The following AATF variants were observed in gnomAD, a reference collection of about 807,000 sequenced individuals.
The protein encoded by AATF is apoptosis antagonizing transcription factor, also known as protein AATF.
A neutral mutation model predicts 63.7 loss-of-function variants in AATF; 48 were observed. The ratio of observed to expected loss-of-function variants is 0.75; its 90% confidence interval spans 0.60 to 0.96. The LOEUF is 0.96. AATF is among the 40% of genes least tolerant of loss of function. AATF has a pLI of 0.00. For missense variants in AATF, 639 were observed against 685.7 expected, an observed-to-expected ratio of 0.93 and a Z score of 0.76; for synonymous variants, 258 against 247.7, an observed-to-expected ratio of 1.04 and a Z score of -0.39.
chr17:37,001,967 C>G (rs956786225), intron 8 of AATF, among the ~76,000 whole-genome samples: 18 of 152,052 alleles, frequency 1.2e-4, no homozygotes, highest in African/African-American at 4.3e-4. Context: ...ACTGGGAGGC[C>G]AAGTGGGTCA....
chr17:36,988,064 A>G (rs1361653742), intron 5 of AATF, among the ~76,000 whole-genome samples: 1 of 152,250 alleles, frequency 6.6e-6, no homozygotes, highest in Non-Finnish European at 1.5e-5. Flanking sequence ...CTGTAATCCC[A>G]GCACTTTGGG....
At chr17:36,964,903 T>C (rs984119113) in intron 4 of AATF, among the ~76,000 whole-genome samples, 4 of 152,126 alleles carry the variant, frequency 2.6e-5, no homozygotes, top group African/African-American at 9.7e-5. Flanking sequence ...CTTTCATTGC[T>C]CTTCTGGGGA....
chr17:37,035,421 T>C (rs889899610), intron 11 of AATF, among the ~76,000 whole-genome samples: 6 of 151,832 alleles, frequency 4.0e-5, no homozygotes, highest in Non-Finnish European at 1.5e-5. Context: ...TTGGAAAATA[T>C]TAAAAGGATT....
intron 4 of AATF, among the ~76,000 whole-genome samples, chr17:36,959,152 C>T (rs1029387497): frequency 7.0e-6 from 1 of 143,748 alleles, no homozygotes; most frequent in Admixed American, 6.9e-5. Flanking sequence ...TCAAAAAAAA[C>T]AAACATACAG....
chr17:36,998,287 G>A lies in AATF; in HGVS notation c.1398+7430G>A, dbSNP rs572830110. ...CATAATCATTTTAAAGTTGGATAGCGTCTTTGGAGACCATCAAGTCCAAAC... is the reference window on the plus strand; with the variant it reads ...CATAATCATTTTAAAGTTGGATAGCATCTTTGGAGACCATCAAGTCCAAAC... On this transcript the variant is annotated intron_variant, in intron 8 of 11. Coordinates refer to ENST00000619387, the MANE Select transcript of AATF (RefSeq NM_012138.4). Among the ~76,000 whole-genome samples the A allele has an allele frequency of 7.2e-5, 11 of 152,270 alleles. No individual in the cohort carries two copies. The East Asian group carries it at 7.7e-4, about 11-fold the overall frequency.
chr17:36,997,723 G>T (rs1240692302), intron 8 of AATF, among the ~76,000 whole-genome samples: 1 of 152,068 alleles, frequency 6.6e-6, no homozygotes, highest in Non-Finnish European at 1.5e-5. Context: ...CTCACTACTG[G>T]GTATCTACCC....
chr17:36,975,078 G>A (rs1027523926), intron 4 of AATF, among the ~76,000 whole-genome samples: 1 of 152,076 alleles, frequency 6.6e-6, no homozygotes, highest in African/African-American at 2.4e-5. Context: ...AATATGTAAC[G>A]TAGATTGTGA....
Position 36,990,821 on chromosome 17 carries a change from T to C in AATF, c.1362T>C (p.Asp454=). The part of the protein sequence containing the change: ...APANAHLKDL[D]EEIFDDDDFY... ...CTAATGCTCATCTGAAGGACTTGGA[T>C]GAAGAAATCTTTGATGATGATGACT... The change falls in exon 8 of 12, where the codon GAT becomes GAC. Residue 454 remains aspartate (D), a synonymous_variant. Coordinates refer to ENST00000619387, the MANE Select transcript of AATF (RefSeq NM_012138.4). The C allele has an allele frequency of 1.3e-6, 2 of 1,594,766 alleles. No individual in the cohort carries two copies. The highest frequency in any genetic ancestry group is 1.7e-6 in the Non-Finnish European group (2 of 1,173,586).
intron 10 of AATF, among the ~76,000 whole-genome samples, chr17:37,028,105 A>G (rs1486984592): frequency 6.6e-6 from 1 of 152,118 alleles, no homozygotes; most frequent in Admixed American, 6.5e-5. Context: ...CAACTCAGCA[A>G]TTTCACATCT....
At position 36,953,033 on chromosome 17, in the gene AATF, C is replaced by T. The variant is rs2070868304; in HGVS notation, c.431C>T (p.Ala144Val). Reference sequence around the variant, plus strand: ...AGCAAGAAGAGCAGAAGCCACTCTGCAAAAACACCGGGCTTCAGTGTCCAG... The same window carrying T: ...AGCAAGAAGAGCAGAAGCCACTCTGTAAAAACACCGGGCTTCAGTGTCCAG... ...RESKKSRSHS[A>V]KTPGFSVQSI... The change falls in exon 3 of 12, where the codon GCA (alanine) becomes GTA (valine). Residue 144 changes from alanine to valine, a missense_variant. Physicochemically the swap from Ala to Val is moderately conservative, Grantham distance 64. Transcript: ENST00000619387. 6.2e-7 allele frequency: 1 copy of T among 1,614,100 alleles called. No homozygotes were observed.
chr17:36,970,311 G>A (rs142877896), intron 4 of AATF, among the ~76,000 whole-genome samples: 196 of 152,238 alleles, frequency 1.3e-3, no homozygotes, highest in Middle Eastern at 3.4e-3. Context: ...TCTAATAATT[G>A]TATAGGTAGG....
intron 4 of AATF, among the ~76,000 whole-genome samples, chr17:36,972,812 G>A (rs2071049689): frequency 6.6e-6 from 1 of 151,988 alleles, no homozygotes; most frequent in Non-Finnish European, 1.5e-5. Context: ...CTCAGTTTTA[G>A]GTTTACATTT....
chr17:36,993,005 C>T (rs2071227469), intron 8 of AATF, among the ~76,000 whole-genome samples: 1 of 152,206 alleles, frequency 6.6e-6, no homozygotes, highest in South Asian at 2.1e-4. Flanking sequence ...GCTACACCAA[C>T]TGCTGCCATC....
chr17:37,014,791 T>C (rs1001670430), intron 8 of AATF, among the ~76,000 whole-genome samples: 1 of 152,252 alleles, frequency 6.6e-6, no homozygotes, highest in Non-Finnish European at 1.5e-5. Context: ...AATTTTTGTC[T>C]TGTCTTGCAA....
At chr17:36,960,479 C>A (rs1004499975) in intron 4 of AATF, among the ~76,000 whole-genome samples, 2 of 152,104 alleles carry the variant, frequency 1.3e-5, no homozygotes, top group African/African-American at 2.4e-5. Flanking sequence ...GTTCAAAATT[C>A]AAAAATACTA....
At chr17:36,986,577 T>A in intron 4 of AATF, 40 bp from the exon 5 acceptor site, 1 of 1,539,234 alleles carries the variant, frequency 6.5e-7, no homozygotes, top group Non-Finnish European at 9.0e-7. Context: ...TGGAGAATTG[T>A]AGATAATTAA....
intron 8 of AATF, among the ~76,000 whole-genome samples, chr17:36,998,220 T>C (rs1230498977): frequency 6.7e-6 from 1 of 149,770 alleles, no homozygotes; most frequent in Non-Finnish European, 1.5e-5. Context: ...CAGTAACTTA[T>C]GGAAAAAAAA....
At position 36,982,238 on chromosome 17, in the gene AATF, T is replaced by G. The variant is rs112080870; in HGVS notation, c.833-4379T>G. 5.7e-3 allele frequency among the ~76,000 whole-genome samples: 864 copies of G among 150,390 alleles called. 5 individuals carry two copies. The highest frequency in any genetic ancestry group is 8.3e-3 in the East Asian group (43 of 5,184). ...TCCTGTTTGTTTTTTGTTTTGTTTT[T>G]TTTTTTTTTTTGAGTAGGCTCAGTT... On this transcript the variant is annotated intron_variant, in intron 4 of 11. Coordinates refer to ENST00000619387, the MANE Select transcript of AATF (RefSeq NM_012138.4).
rs538929475 is a variant in AATF, at chr17:37,029,033, T to TTTTG, written c.1548-2569_1548-2566dup. Among the ~76,000 whole-genome samples, 8 of 152,120 alleles carry TTTTG rather than the reference T, an allele frequency of 5.3e-5. No homozygotes were observed. In the South Asian group the frequency reaches 1.7e-3, roughly 32 times the overall value. ...AGGTAGAAGGATTGTGTGTGGGATT[T>TTTTG]TTTGTTTGTTTGTTTTTTAGATAAG... On this transcript the variant is annotated intron_variant, in intron 10 of 11. Coordinates refer to ENST00000619387, the MANE Select transcript of AATF (RefSeq NM_012138.4).
Sources: gnomAD v4.1 joint callset for allele counts (sites outside exome capture counted in the v4.1 genomes callset) on GRCh38, gnomAD v4.1.1 for gene constraint, MANE v1.5 for transcripts, NCBI Gene and HGNC (gene_info 2026-07-23, HGNC 2026-07-21) for gene names.